ADAM23: variants seen among roughly 807,000 people sequenced by gnomAD.
ADAM23 encodes the protein ADAM metallopeptidase domain 23, also known as disintegrin and metalloproteinase domain-containing protein 23.
ADAM23 carries 33 observed loss-of-function variants against 120.1 expected under a neutral mutation model. The ratio of observed to expected loss-of-function variants is 0.27; its 90% CI spans 0.21 to 0.37. The LOEUF (loss-of-function observed/expected upper bound fraction) is 0.37, where lower values mean the gene tolerates loss of function less well. ADAM23 is among the 10% of genes least tolerant of loss of function. ADAM23 has a pLI of 1.00. For synonymous variants in ADAM23, 367 were observed against 375.2 expected, an observed-to-expected ratio of 0.98 and a Z score of 0.25; for missense variants, 862 against 1,058.2, an observed-to-expected ratio of 0.81 and a Z score of 2.57.
In ADAM23 at chr2:206,474,260, A is replaced by G. The variant is rs552004084; in HGVS notation, c.433-6972A>G. Among the ~76,000 whole-genome samples the G allele has an allele frequency of 1.6e-4, 25 of 152,318 alleles. No homozygotes were observed. In the South Asian group the frequency reaches 3.5e-3, roughly 21 times the overall value. On this transcript the variant is annotated intron_variant, in intron 2 of 25. Transcript: ENST00000264377. ...ATTTGCAGAACCGCCTTCATGTAGCATTTGCAGCTGTTTCACTTCTGTGGA... is the reference window on the plus strand; with the variant it reads ...ATTTGCAGAACCGCCTTCATGTAGCGTTTGCAGCTGTTTCACTTCTGTGGA...
At chr2:206,583,074 T>G (rs1350860788) in intron 18 of ADAM23, among the ~76,000 whole-genome samples, 2 of 152,196 alleles carry the variant, frequency 1.3e-5, no homozygotes, top group Admixed American at 6.5e-5. Flanking sequence ...TCTTTGTGCT[T>G]CCTGTATTTT....
chr2:206,558,540 T>C (rs1040963156), intron 10 of ADAM23, among the ~76,000 whole-genome samples: 1 of 152,198 alleles, frequency 6.6e-6, no homozygotes, highest in East Asian at 1.9e-4. Flanking sequence ...GTATCTCATA[T>C]AGAGTTAGGA....
intron 3 of ADAM23, among the ~76,000 whole-genome samples, chr2:206,485,198 T>A (rs969921740): frequency 1.3e-5 from 2 of 152,140 alleles, no homozygotes; most frequent in Non-Finnish European, 2.9e-5. Flanking sequence ...GAACATGAGA[T>A]GTGTTGCTGG....
chr2:206,608,180 T>C (rs1698764409), intron 24 of ADAM23, among the ~76,000 whole-genome samples: 1 of 152,224 alleles, frequency 6.6e-6, no homozygotes, highest in Non-Finnish European at 1.5e-5. Context: ...GGGTTGTCTG[T>C]AACAACTTCT....
chr2:206,552,793 C>G (rs975443812), intron 9 of ADAM23, among the ~76,000 whole-genome samples: 3 of 151,944 alleles, frequency 2.0e-5, no homozygotes, highest in African/African-American at 7.2e-5. Flanking sequence ...TCCCGAGTAG[C>G]TGGGACTATA....
chr2:206,498,033 C>A (rs536372473), intron 3 of ADAM23, among the ~76,000 whole-genome samples: 69 of 152,304 alleles, frequency 4.5e-4, no homozygotes, highest in African/African-American at 1.6e-3. Flanking sequence ...ACTCCATGCT[C>A]ATGGGTAGGA....
chr2:206,524,686 T>A (rs1030130508), intron 3 of ADAM23, among the ~76,000 whole-genome samples: 2 of 152,140 alleles, frequency 1.3e-5, no homozygotes, highest in Non-Finnish European at 2.9e-5. Flanking sequence ...TTATAAAACA[T>A]CAGATCTCGT....
intron 3 of ADAM23, among the ~76,000 whole-genome samples, chr2:206,503,708 G>T (rs948251104): frequency 6.6e-6 from 1 of 152,144 alleles, no homozygotes; most frequent in Non-Finnish European, 1.5e-5. Flanking sequence ...TACATGACCA[G>T]TAATAATCAG....
In ADAM23 at chr2:206,491,503, G is replaced by T. The variant is rs566622861; in HGVS notation, c.509+10195G>T. ...GTGGATAAAAGGAGACCCTTTGCGG[G>T]TATCCACCCCAATGCAGAATGTGGG... On this transcript the variant is annotated intron_variant, in intron 3 of 25. Coordinates refer to ENST00000264377, the MANE Select transcript of ADAM23 (RefSeq NM_003812.4). Among the ~76,000 whole-genome samples, 7 of 152,240 alleles carry T rather than the reference G, an allele frequency of 4.6e-5. No homozygotes were observed. In the South Asian group the frequency reaches 1.5e-3, roughly 32 times the overall value.
In ADAM23 at chr2:206,553,125, C is replaced by T. The variant is rs191810448; in HGVS notation, c.933+2965C>T. ...GCGTGTGGTGGCTCACGCCTATAAT[C>T]GCAGCACTTTGGGAGTCCAAGGCGT... On this transcript the variant is annotated intron_variant, in intron 9 of 25. Coordinates refer to ENST00000264377, the MANE Select transcript of ADAM23 (RefSeq NM_003812.4). Among the ~76,000 whole-genome samples, 119 of 152,256 alleles carry T rather than the reference C, an allele frequency of 7.8e-4. 1 individual carries two copies. Among genetic ancestry groups the T allele is most frequent in the Middle Eastern group, 3.4e-3 (1 of 294 alleles).
At chr2:206,497,452 AC>A (rs1448621110) in intron 3 of ADAM23, among the ~76,000 whole-genome samples, 1 of 152,138 alleles carries the variant, frequency 6.6e-6, no homozygotes, top group Non-Finnish European at 1.5e-5. Flanking sequence ...AAATTCAACA[AC>A]CCTTCATGCT....
intron 18 of ADAM23, among the ~76,000 whole-genome samples, chr2:206,581,043 G>A (rs562477628): frequency 2.6e-5 from 4 of 152,146 alleles, no homozygotes; most frequent in African/African-American, 9.6e-5. Context: ...TGATTTCAGT[G>A]GTGTCAGTTG....
intron 24 of ADAM23, among the ~76,000 whole-genome samples, chr2:206,607,691 T>C (rs915306111): frequency 6.6e-6 from 1 of 152,198 alleles, no homozygotes; most frequent in Admixed American, 6.5e-5. Context: ...TTTGTTATTA[T>C]TCCTGGTTTA....
intron 6 of ADAM23, among the ~76,000 whole-genome samples, chr2:206,544,949 A>G (rs2105809328): frequency 6.6e-6 from 1 of 152,160 alleles, no homozygotes; most frequent in Non-Finnish European, 1.5e-5. Context: ...AGCAAATACA[A>G]AGGCCTTGAG....
intron 20 of ADAM23, 118 bp downstream of exon 20, chr2:206,588,272 G>C (rs1216680155): frequency 9.7e-7 from 1 of 1,035,846 alleles, no homozygotes. Context: ...AAAAAATCTA[G>C]AAAGGATGAG....
chr2:206,450,296 T>G (rs975274742), intron 2 of ADAM23, among the ~76,000 whole-genome samples: 11 of 152,244 alleles, frequency 7.2e-5, no homozygotes, highest in Non-Finnish European at 1.6e-4. Context: ...GCCTAGACTT[T>G]ATCTAAAGAG....
At chr2:206,530,088 C>A (rs1697020530) in intron 3 of ADAM23, among the ~76,000 whole-genome samples, 1 of 152,206 alleles carries the variant, frequency 6.6e-6, no homozygotes, top group South Asian at 2.1e-4. Context: ...GGATTACAGG[C>A]ATGAGTCACC....
At chr2:206,478,601 T>C (rs1486636020) in intron 2 of ADAM23, among the ~76,000 whole-genome samples, 1 of 152,152 alleles carries the variant, frequency 6.6e-6, no homozygotes, top group Non-Finnish European at 1.5e-5. Flanking sequence ...AGGAGAAGGC[T>C]CATTGTCTTG....
intron 24 of ADAM23, among the ~76,000 whole-genome samples, chr2:206,597,906 C>T (rs751644707): frequency 6.6e-6 from 1 of 152,142 alleles, no homozygotes; most frequent in East Asian, 1.9e-4. Context: ...CTGATTCAGG[C>T]GCATGTGAAT....
Sources: gnomAD v4.1 joint callset for allele counts (sites outside exome capture counted in the v4.1 genomes callset) on GRCh38, gnomAD v4.1.1 for gene constraint, MANE v1.5 for transcripts, NCBI Gene and HGNC (gene_info 2026-07-23, HGNC 2026-07-21) for gene names.